The following MBD3 variants were observed in gnomAD, a reference collection of about 807,000 sequenced individuals.
MBD3 encodes the protein methyl-CpG-binding domain protein 3.
In MBD3, 13 loss-of-function variants were observed where a neutral mutation model predicts 31.2. The ratio of observed to expected loss-of-function variants is 0.42; its 90% CI spans 0.27 to 0.66. The LOEUF (loss-of-function observed/expected upper bound fraction) is 0.66. Ranked by LOEUF, MBD3 falls within the 30% of genes least tolerant of loss-of-function variation. The pLI, the probability that MBD3 is intolerant of heterozygous loss-of-function variation, is 0.26. For missense variants in MBD3, 440 were observed against 426.5 expected (o/e 1.03, Z -0.28); for synonymous variants, 223 against 187.4 (o/e 1.19, Z -1.55).
Position 1,578,480 on chromosome 19 carries a change from C to G in MBD3, c.736G>C (p.Asp246His), listed in dbSNP as rs548368623. Residue 246 changes from aspartate (D) to histidine (H), a missense_variant, in exon 6 of 7, where the codon GAC (aspartate) becomes CAC (histidine). Asp to His is a moderately conservative substitution (Grantham distance 81). This residue lies in a region of MBD3 where 117 missense variants were observed against 95.0 expected (regional missense o/e 1.23). Coordinates refer to ENST00000434436, the MANE Select transcript of MBD3 (RefSeq NM_001281453.2). This position sits in a 1 kb window ranked among gnomAD's most constrained non-coding sequence, Gnocchi z 6.1. ...AGCTCCTCCACGTGCGCCAGCATGT[C>G]GGCCATCAGCGCCTCCTCCAGCCGC... ...RKRLEEALMA[D>H]MLAHVEELAR... 1 of 1,610,822 alleles carries G rather than the reference C, an allele frequency of 6.2e-7. No homozygotes were observed.
rs201544913 is a variant in MBD3, at chr19:1,584,409, A to T, written c.408+131T>A. On this transcript the variant is annotated intron_variant, in intron 3 of 6. Coordinates refer to ENST00000434436, the MANE Select transcript of MBD3 (RefSeq NM_001281453.2). ...TTTTTTACTTGTTTTTTGCCTCGTC[A>T]TGTTGCCCAGGCTAGCCTGGAACTC... The T allele has an allele frequency of 1.4e-5, 19 of 1,381,414 alleles. No individual in the cohort carries two copies. The East Asian group carries it at 4.2e-4, about 30-fold the overall frequency. 85.6% of individuals were successfully genotyped at this position (1,381,414 alleles called of 1,614,324 possible).
At chr19:1,591,762 G>A (rs2060704689) in intron 1 of MBD3, among the ~76,000 whole-genome samples, 1 of 151,798 alleles carries the variant, frequency 6.6e-6, no homozygotes, top group South Asian at 2.1e-4. Flanking sequence ...TGCAGCAGGC[G>A]ACTAAGTCTT....
At chr19:1,589,270 G>A (rs768595368) in intron 1 of MBD3, among the ~76,000 whole-genome samples, 19 of 148,280 alleles carry the variant, frequency 1.3e-4, no homozygotes, top group Non-Finnish European at 2.1e-4. Flanking sequence ...GGTGGAGGTC[G>A]CAGTGAGCCC....
chr19:1,583,474 G>C (rs1486772129), intron 3 of MBD3: 3 of 151,928 alleles, frequency 2.0e-5, no homozygotes, highest in African/African-American at 7.3e-5. Flanking sequence ...AGTCACATAT[G>C]GGCAGTCAAC....
chr19:1,592,661 CCCGCCG>C lies in MBD3; in HGVS notation c.-36_-31del, dbSNP rs752551246. The C allele has an allele frequency of 1.5e-5, 15 of 1,016,446 alleles. No individual in the cohort carries two copies. The South Asian group carries it at 3.4e-4, about 23-fold the overall frequency. 63.0% of individuals were successfully genotyped at this position (1,016,446 alleles called of 1,614,324 possible). A position where few individuals can be genotyped will look rare whatever the true frequency, so the allele number is the denominator to read the frequency against. ...CCCGGCTCCTCGGCCCGCCGCCGGG[CCCGCCG>C]CCGCCGCCCGGACCCCCACTCGCCG... On this transcript the variant is annotated 5_prime_UTR_variant, in exon 1 of 7. Transcript: ENST00000434436.
intron 4 of MBD3, 71 bp from the exon 5 acceptor site, chr19:1,581,340 C>T (rs558323912): frequency 3.0e-5 from 45 of 1,498,498 alleles, no homozygotes; most frequent in Middle Eastern, 4.5e-4. Context: ...AGACAGGCCA[C>T]GGAAATGCCC....
intron 2 of MBD3, 122 bp downstream of exon 2, chr19:1,584,933 T>G (rs1740921369): frequency 1.4e-6 from 2 of 1,386,290 alleles, no homozygotes; most frequent in Non-Finnish European, 2.0e-6. Flanking sequence ...CTCTGTGCCC[T>G]CCGCCCGCTG....
At chr19:1,582,010 G>C (rs745752270) in intron 4 of MBD3, among the ~76,000 whole-genome samples, 1 of 152,168 alleles carries the variant, frequency 6.6e-6, no homozygotes, top group African/African-American at 2.4e-5. Context: ...CTCATGATCC[G>C]CCCGCCTTGG....
At position 1,578,580 on chromosome 19, in the gene MBD3, C is replaced by G; in HGVS notation, c.678-42G>C. ...CTTGCGTTACACCAAGGTGAGCGGC[C>G]AGCAGGACATGGACACAGGATGAAC... On this transcript the variant is annotated intron_variant, in intron 5 of 6. Transcript: ENST00000434436. This position sits in a 1 kb window ranked among gnomAD's most constrained non-coding sequence, Gnocchi z 6.1. 7.5e-6 allele frequency: 12 copies of G among 1,608,416 alleles called. No individual in the cohort carries two copies. The highest frequency in any genetic ancestry group is 8.5e-6 in the Non-Finnish European group (10 of 1,179,874).
chr19:1,584,426 C>A, intron 3 of MBD3, 114 bp downstream of exon 3: 1 of 1,489,242 alleles, frequency 6.7e-7, no homozygotes, highest in South Asian at 1.1e-5. Flanking sequence ...CCAGGCTAGC[C>A]TGGAACTCCT....
chr19:1,583,737 G>A (rs915699796), intron 3 of MBD3, among the ~76,000 whole-genome samples: 5 of 152,076 alleles, frequency 3.3e-5, no homozygotes, highest in African/African-American at 4.8e-5. Context: ...CACAAGGAAC[G>A]TCACAAGCAT....
Position 1,577,806 on chromosome 19 carries a change from G to A in MBD3, c.*358C>T, listed in dbSNP as rs771682481. The A allele has an allele frequency of 7.9e-5, 13 of 165,212 alleles. No individual in the cohort carries two copies. The highest frequency in any genetic ancestry group is 1.7e-4 in the Admixed American group (3 of 17,386). 10.2% of individuals were successfully genotyped at this position (165,212 alleles called of 1,614,324 possible). A position where few individuals can be genotyped will look rare whatever the true frequency, so the allele number is the denominator to read the frequency against. On this transcript the variant is annotated 3_prime_UTR_variant, in exon 7 of 7. Transcript: ENST00000434436. ...CAGCAAGCCGTGGCGCCGAGCTGCCGGGCACCTGCTGGCTGCTCTCCAGTC... is the reference window on the plus strand; with the variant it reads ...CAGCAAGCCGTGGCGCCGAGCTGCCAGGCACCTGCTGGCTGCTCTCCAGTC...
At position 1,585,458 on chromosome 19, in the gene MBD3, G is replaced by A. The variant is rs1000985833; in HGVS notation, c.111-244C>T. ...CCACAACTGGCCCCTAGATCTGGGC[G>A]CCAGCCAGACCCAGAGCACTGGCCC... On this transcript the variant is annotated intron_variant, in intron 1 of 6. Transcript: ENST00000434436. This position sits in a 1 kb window ranked among gnomAD's most constrained non-coding sequence, Gnocchi z 4.1. 2 of 527,932 alleles carry A rather than the reference G, an allele frequency of 3.8e-6. No individual in the cohort carries two copies. Among genetic ancestry groups the A allele is most frequent in the South Asian group, 2.0e-5 (1 of 49,140 alleles). 32.7% of individuals were successfully genotyped at this position (527,932 alleles called of 1,614,324 possible). A position where few individuals can be genotyped will look rare whatever the true frequency, so the allele number is the denominator to read the frequency against.
chr19:1,587,595 T>G (rs2060685273), intron 1 of MBD3, among the ~76,000 whole-genome samples: 1 of 152,110 alleles, frequency 6.6e-6, no homozygotes, highest in African/African-American at 2.4e-5. Context: ...TTAAATTTTT[T>G]GCATAGATGG....
intron 1 of MBD3, among the ~76,000 whole-genome samples, chr19:1,587,522 G>A (rs1490451283): frequency 2.0e-5 from 3 of 151,542 alleles, no homozygotes; most frequent in South Asian, 2.1e-4. Flanking sequence ...TCAAGGGATT[G>A]TCCTGCCTTG....
At chr19:1,592,393 G>GACGCACGCACGC (rs546279272) in intron 1 of MBD3, 129 bp downstream of exon 1, 2 of 221,990 alleles carry the variant, frequency 9.0e-6, no homozygotes, top group South Asian at 1.6e-4. Flanking sequence ...ACGCACGCAA[G>GACGCACGCACGC]ACGCACGCAC....
At chr19:1,588,207 C>A (rs573015554) in intron 1 of MBD3, among the ~76,000 whole-genome samples, 173 of 152,326 alleles carry the variant, frequency 1.1e-3, no homozygotes, top group African/African-American at 4.1e-3. Flanking sequence ...GGACAGGACG[C>A]CTCAGGGAGG....
rs1915507245 is a variant in MBD3, at chr19:1,575,018, G to A, written c.*3146C>T. 5.6e-6 allele frequency: 2 copies of A among 358,866 alleles called. No homozygotes were observed. Among genetic ancestry groups the A allele is most frequent in the Non-Finnish European group, 1.1e-5 (2 of 177,338 alleles). The allele number at this position is 358,866 out of a possible 1,614,324, so 22.2% of individuals were successfully genotyped here. On this transcript the variant is annotated 3_prime_UTR_variant, in exon 7 of 7. Transcript: ENST00000434436. ...GTGTGGCTGGGCCGAGGGCTGGGAG[G>A]TGCATCCTCGCCACGGGGGTCCTGA...
At chr19:1,590,090 G>A (rs1056882672) in intron 1 of MBD3, among the ~76,000 whole-genome samples, 2 of 148,522 alleles carry the variant, frequency 1.3e-5, no homozygotes, top group Admixed American at 1.3e-4. Flanking sequence ...CTGGGGTCAG[G>A]AGTTCGAGAC....
Sources: allele counts gnomAD v4.1 joint callset (sites outside exome capture counted in the v4.1 genomes callset), GRCh38; gene constraint gnomAD v4.1.1; regional missense constraint gnomAD v4.1.1; non-coding constraint Gnocchi (gnomAD v3.1); transcripts MANE v1.5; gene names NCBI Gene and HGNC (gene_info 2026-07-23, HGNC 2026-07-21).